PDE1C: variants seen among roughly 807,000 people sequenced by gnomAD.
PDE1C encodes the protein dual specificity calcium/calmodulin-dependent 3',5'-cyclic nucleotide phosphodiesterase 1C.
PDE1C carries 62 observed loss-of-function variants against 93.1 expected under a neutral mutation model. That is an observed-to-expected ratio of 0.67 (90% confidence interval 0.54 to 0.82). PDE1C has a LOEUF of 0.82. Among genes scored for constraint, PDE1C ranks in the 40% least tolerant of loss-of-function variants. The pLI, the probability that PDE1C is intolerant of heterozygous loss-of-function variation, is 0.00. For missense variants in PDE1C, 742 were observed against 884.6 expected (o/e 0.84, Z 2.04); for synonymous variants, 325 against 310.1 (o/e 1.05, Z -0.50).
Position 31,753,549 on chromosome 7 carries a change from G to C in PDE1C, c.1965C>G (p.Ile655Met). 1 of 1,608,306 alleles carries C rather than the reference G, an allele frequency of 6.2e-7. No homozygotes were observed. The highest frequency in any genetic ancestry group is 8.5e-7 in the Non-Finnish European group (1 of 1,177,808). Residue 655 changes from isoleucine (I) to methionine (M), a missense_variant, in exon 18 of 18, where the codon ATC (isoleucine) becomes ATG (methionine). Physicochemically the swap from Ile to Met is conservative, Grantham distance 10. Around this residue, in one of 4 missense-constraint regions of PDE1C, gnomAD observed 454 missense variants for 459.4 expected, o/e 0.99. Transcript: ENST00000396191. ...SSTCRLTLPV[I>M]KPPLRHFKRP... ...GTTTAAAATGACGCAAAGGAGGCTT[G>C]ATGACTGGCGGCCATGGAAAGGAAG... is the stretch of plus-strand genomic sequence containing the variant.
At chr7:32,134,524 A>T (rs140080588) in intron 3 of PDE1C, among the ~76,000 whole-genome samples, 1,753 of 152,284 alleles carry the variant, frequency 0.012, 121 homozygotes, top group Admixed American at 0.11. Flanking sequence ...GCATAAAAAA[A>T]ATATATAGAA....
At chr7:32,333,898 T>C (rs1233752486) in intron 1 of PDE1C, among the ~76,000 whole-genome samples, 1 of 152,212 alleles carries the variant, frequency 6.6e-6, no homozygotes, top group Non-Finnish European at 1.5e-5. Context: ...GTTAGGCCTT[T>C]TGAACTTGTT....
chr7:31,898,917 C>A lies in PDE1C; in HGVS notation c.129-18057G>T, dbSNP rs78774195. Among the ~76,000 whole-genome samples, 871 of 152,196 alleles carry A rather than the reference C, an allele frequency of 5.7e-3. 10 individuals are homozygous for A. The highest frequency in any genetic ancestry group is 0.02 in the African/African-American group (810 of 41,516). On this transcript the variant is annotated intron_variant, in intron 2 of 17. Transcript: ENST00000396191. Reference sequence around the variant, plus strand: ...AAATAAAGGGCTTGAGATAAGATGACCATCTTTCACTAGCGTGGCTTCCTC... The same window carrying A: ...AAATAAAGGGCTTGAGATAAGATGAACATCTTTCACTAGCGTGGCTTCCTC...
intron 3 of PDE1C, among the ~76,000 whole-genome samples, chr7:32,102,602 C>T (rs1002564614): frequency 6.6e-6 from 1 of 152,190 alleles, no homozygotes; most frequent in African/African-American, 2.4e-5. Context: ...TAGGAAGAGG[C>T]AATTGTCCAG....
At chr7:32,322,598 C>T (rs1006833685) in intron 1 of PDE1C, among the ~76,000 whole-genome samples, 1 of 148,386 alleles carries the variant, frequency 6.7e-6, no homozygotes, top group African/African-American at 2.4e-5. Flanking sequence ...AGCAAGATCC[C>T]ATCTCTATTT....
intron 2 of PDE1C, among the ~76,000 whole-genome samples, chr7:31,930,848 CAAAAAAA>C (rs56394903): frequency 2.1e-4 from 7 of 32,640 alleles, no homozygotes; most frequent in African/African-American, 8.5e-4. Context: ...GACTCTGTCT[CAAAAAAA>C]AAAAAAAAAA....
chr7:32,316,346 G>A (rs1193923110), intron 1 of PDE1C, among the ~76,000 whole-genome samples: 2 of 152,156 alleles, frequency 1.3e-5, no homozygotes, highest in East Asian at 3.9e-4. Flanking sequence ...GAATAAACAA[G>A]AACGCACATC....
chr7:31,619,958 C>CT, the PDE1C span, among the ~76,000 whole-genome samples: 24 of 152,310 alleles, frequency 1.6e-4, no homozygotes, highest in African/African-American at 5.8e-4. Flanking sequence ...AGACTATATC[C>CT]CGCACCTGGC....
At chr7:32,275,470 T>G (rs757651164) in intron 1 of PDE1C, among the ~76,000 whole-genome samples, 1 of 152,138 alleles carries the variant, frequency 6.6e-6, no homozygotes, top group African/African-American at 2.4e-5. Flanking sequence ...CTTTGCACTT[T>G]CTCAGTAAAT....
chr7:32,306,144 G>A (rs564784284), intron 1 of PDE1C, among the ~76,000 whole-genome samples: 13 of 152,060 alleles, frequency 8.5e-5, no homozygotes, highest in African/African-American at 1.2e-4. Context: ...ACCTTCCACC[G>A]TGGTTGTGAG....
At chr7:31,917,834 A>C (rs1328164897) in intron 2 of PDE1C, among the ~76,000 whole-genome samples, 2 of 152,188 alleles carry the variant, frequency 1.3e-5, no homozygotes, top group Non-Finnish European at 2.9e-5. Flanking sequence ...GACTTGCAAA[A>C]AATATCTATA....
the PDE1C span, among the ~76,000 whole-genome samples, chr7:31,723,454 C>T: frequency 1.3e-5 from 2 of 152,220 alleles, no homozygotes; most frequent in Admixed American, 6.5e-5. Context: ...CTAGTGTCAA[C>T]TCAGAGGCAC....
intron 2 of PDE1C, among the ~76,000 whole-genome samples, chr7:32,011,127 A>G (rs565421842): frequency 6.6e-6 from 1 of 152,322 alleles, no homozygotes; most frequent in South Asian, 2.1e-4. Context: ...TTTTCAAATC[A>G]CAAATCTGAT....
intron 1 of PDE1C, among the ~76,000 whole-genome samples, chr7:32,280,715 G>A (rs919474753): frequency 9.9e-5 from 15 of 152,144 alleles, no homozygotes; most frequent in Non-Finnish European, 2.2e-4. Flanking sequence ...ATAAAAATGA[G>A]CAAAAATAGC....
At chr7:31,923,244 A>G (rs1415325526) in intron 2 of PDE1C, among the ~76,000 whole-genome samples, 1 of 152,178 alleles carries the variant, frequency 6.6e-6, no homozygotes, top group Non-Finnish European at 1.5e-5. Context: ...CACCTGGACC[A>G]CACAACATAA....
intron 2 of PDE1C, among the ~76,000 whole-genome samples, chr7:31,900,410 G>C (rs1341390334): frequency 1.5e-5 from 2 of 130,514 alleles, no homozygotes; most frequent in Non-Finnish European, 3.5e-5. Flanking sequence ...TTTATTCCTG[G>C]CTACCTTTTT....
chr7:31,918,538 G>A (rs969126202), intron 2 of PDE1C, among the ~76,000 whole-genome samples: 2 of 152,096 alleles, frequency 1.3e-5, no homozygotes, highest in African/African-American at 4.8e-5. Flanking sequence ...TGAACCATTC[G>A]TTCAGAGCTT....
At chr7:32,027,421 A>G (rs1199916220) in intron 2 of PDE1C, among the ~76,000 whole-genome samples, 2 of 152,016 alleles carry the variant, frequency 1.3e-5, no homozygotes, top group African/African-American at 4.8e-5. Context: ...TTAATGGTGT[A>G]TTGTGTGGGT....
At chr7:31,895,728 C>A (rs2128909092) in intron 2 of PDE1C, among the ~76,000 whole-genome samples, 1 of 152,060 alleles carries the variant, frequency 6.6e-6, no homozygotes, top group Admixed American at 6.6e-5. Context: ...CTCATGGGGG[C>A]TGGTTTTCCC....
Sources: allele counts gnomAD v4.1 joint callset (sites outside exome capture counted in the v4.1 genomes callset), GRCh38; gene constraint gnomAD v4.1.1; regional missense constraint gnomAD v4.1.1; transcripts MANE v1.5; gene names NCBI Gene and HGNC (gene_info 2026-07-23, HGNC 2026-07-21).